ANKS1B: variants seen among roughly 807,000 people sequenced by gnomAD.
ANKS1B encodes ankyrin repeat and sterile alpha motif domain containing 1B, also known as ankyrin repeat and sterile alpha motif domain-containing protein 1B.
Under a neutral mutation model 148.3 loss-of-function variants are expected in ANKS1B, and 36 were observed. The observed-to-expected ratio is 0.24, with a 90% CI of 0.19 to 0.32. The LOEUF (loss-of-function observed/expected upper bound fraction) is 0.32. Among genes scored for constraint, ANKS1B ranks in the 10% least tolerant of loss-of-function variants. The pLI is 1.00. For missense variants in ANKS1B, 1,157 were observed against 1,542.6 expected (o/e 0.75, Z 4.19); for synonymous variants, 542 against 560.8 (o/e 0.97, Z 0.47).
chr12:99,651,543 G>T (rs913482463), intron 9 of ANKS1B, among the ~76,000 whole-genome samples: 1 of 151,960 alleles, frequency 6.6e-6, no homozygotes, highest in African/African-American at 2.4e-5. Context: ...TCATAGAAGG[G>T]ATCATTGTTA....
chr12:99,926,644 T>C (rs749417035), intron 1 of ANKS1B, among the ~76,000 whole-genome samples: 6 of 152,184 alleles, frequency 3.9e-5, no homozygotes, highest in Admixed American at 1.3e-4. Context: ...TCAGCCTCCA[T>C]AATCACACAA....
chr12:99,716,443 C>A (rs1306093198), intron 8 of ANKS1B, among the ~76,000 whole-genome samples: 3 of 151,960 alleles, frequency 2.0e-5, no homozygotes, highest in African/African-American at 7.3e-5. Context: ...CAACCTTCCA[C>A]CCTCCATTAC....
chr12:98,768,617 C>T (rs1298321817), intron 25 of ANKS1B, among the ~76,000 whole-genome samples: 2 of 151,468 alleles, frequency 1.3e-5, no homozygotes, highest in East Asian at 3.9e-4. Flanking sequence ...GCCTGTAGTC[C>T]CAGCTGCTCA....
chr12:99,512,482 A>G (rs899386687), intron 9 of ANKS1B, among the ~76,000 whole-genome samples: 2 of 152,094 alleles, frequency 1.3e-5, no homozygotes, highest in South Asian at 4.1e-4. Flanking sequence ...CCATTGTGGA[A>G]GATGGTGTGG....
intron 8 of ANKS1B, among the ~76,000 whole-genome samples, chr12:99,731,204 C>T (rs984288042): frequency 9.9e-5 from 15 of 152,132 alleles, no homozygotes; most frequent in African/African-American, 3.1e-4. Context: ...CCGCAACCTC[C>T]GCCTCCCAGG....
At chr12:99,114,349 T>C (rs2060896623) in intron 15 of ANKS1B, among the ~76,000 whole-genome samples, 1 of 152,250 alleles carries the variant, frequency 6.6e-6, no homozygotes, top group Admixed American at 6.5e-5. Context: ...GATGCTTTTC[T>C]TCTGCATAGC....
At chr12:99,854,824 G>A (rs1009952311) in intron 1 of ANKS1B, among the ~76,000 whole-genome samples, 2 of 152,110 alleles carry the variant, frequency 1.3e-5, no homozygotes, top group Non-Finnish European at 2.9e-5. Context: ...GAAAGATACA[G>A]TCTCTTTCAG....
chr12:99,582,641 G>A (rs1450667973), intron 9 of ANKS1B, among the ~76,000 whole-genome samples: 3 of 152,166 alleles, frequency 2.0e-5, no homozygotes, highest in African/African-American at 7.2e-5. Context: ...GCAATACTAT[G>A]TGATCTGTGA....
At chr12:99,002,545 G>C (rs1451751946) in intron 17 of ANKS1B, among the ~76,000 whole-genome samples, 5 of 149,892 alleles carry the variant, frequency 3.3e-5, no homozygotes, top group African/African-American at 1.2e-4. Context: ...TAATAGATGT[G>C]AGGTGATATC....
At chr12:98,917,700 G>A (rs1354674998) in intron 17 of ANKS1B, among the ~76,000 whole-genome samples, 1 of 152,206 alleles carries the variant, frequency 6.6e-6, no homozygotes, top group Non-Finnish European at 1.5e-5. Flanking sequence ...ACAGCTCTGA[G>A]ATTAGTGAGT....
intron 1 of ANKS1B, among the ~76,000 whole-genome samples, chr12:99,907,377 A>G (rs537080956): frequency 2.6e-5 from 4 of 152,362 alleles, no homozygotes; most frequent in South Asian, 2.1e-4. Flanking sequence ...TATGCCAGGC[A>G]TGTTCTCACT....
intron 4 of ANKS1B, among the ~76,000 whole-genome samples, chr12:99,802,506 G>T (rs1441295970): frequency 2.0e-5 from 3 of 151,996 alleles, no homozygotes; most frequent in Non-Finnish European, 2.9e-5. Context: ...TATGAAATTT[G>T]CCCAAAGTAT....
In ANKS1B at chr12:99,357,568, G is replaced by A. The variant is rs182383483; in HGVS notation, c.1756+42063C>T. ...CCTAGAACGCTGCCTGAGAACATAA[G>A]CTATTTAAGTATTAGTATTATACTC... On this transcript the variant is annotated intron_variant, in intron 12 of 26. Coordinates refer to ENST00000683438, the MANE Select transcript of ANKS1B (RefSeq NM_001352186.2). Among the ~76,000 whole-genome samples the A allele has an allele frequency of 5.1e-3, 773 of 152,192 alleles. 4 individuals are homozygous for A. The highest frequency in any genetic ancestry group is 0.025 in the South Asian group (123 of 4,826).
At chr12:99,564,448 T>C (rs1004166345) in intron 9 of ANKS1B, among the ~76,000 whole-genome samples, 2 of 151,810 alleles carry the variant, frequency 1.3e-5, no homozygotes, top group African/African-American at 4.8e-5. Context: ...AAATAAATGA[T>C]AAAATTAATA....
chr12:99,816,876 T>C (rs2069250102), intron 2 of ANKS1B, among the ~76,000 whole-genome samples: 2 of 151,714 alleles, frequency 1.3e-5, no homozygotes, highest in Admixed American at 6.6e-5. Flanking sequence ...TAATATAGTG[T>C]AGTACCAACT....
At chr12:99,586,898 C>G (rs2097647777) in intron 9 of ANKS1B, among the ~76,000 whole-genome samples, 1 of 151,940 alleles carries the variant, frequency 6.6e-6, no homozygotes, top group Non-Finnish European at 1.5e-5. Context: ...GATTCAATAA[C>G]CTCCCATTGG....
intron 4 of ANKS1B, among the ~76,000 whole-genome samples, chr12:99,791,847 TAAAAAGCAAGA>T (rs138072585): frequency 0.47 from 71,321 of 150,556 alleles, 17,380 homozygotes; most frequent in East Asian, 0.56. Context: ...TTAAAGAATT[TAAAAAGCAAGA>T]GCAAGCTGAA....
At chr12:99,395,558 G>C (rs1348045836) in intron 12 of ANKS1B, among the ~76,000 whole-genome samples, 1 of 151,954 alleles carries the variant, frequency 6.6e-6, no homozygotes, top group African/African-American at 2.4e-5. Flanking sequence ...TTTTCCCTTT[G>C]CTATGAAACT....
intron 16 of ANKS1B, among the ~76,000 whole-genome samples, chr12:99,055,596 G>A (rs1214653901): frequency 6.6e-6 from 1 of 152,104 alleles, no homozygotes; most frequent in Non-Finnish European, 1.5e-5. Flanking sequence ...TGACAGGACT[G>A]CAAAGAAAAT....
Sources: allele counts gnomAD v4.1 joint callset (sites outside exome capture counted in the v4.1 genomes callset), GRCh38; gene constraint gnomAD v4.1.1; transcripts MANE v1.5; gene names NCBI Gene and HGNC (gene_info 2026-07-23, HGNC 2026-07-21).